Variants in PTPRD observed in about 807,000 individuals in gnomAD.
The protein encoded by PTPRD is receptor-type tyrosine-protein phosphatase delta.
In PTPRD, 34 loss-of-function variants were observed where a neutral mutation model predicts 214.5. That is an observed-to-expected ratio of 0.16 (90% CI 0.12 to 0.21). The LOEUF is 0.21. PTPRD is among the 10% of genes least tolerant of loss of function. The probability of loss-of-function intolerance (pLI) is 1.00; values close to 1 mark genes in which losing one functional copy is unlikely to be tolerated. For missense variants in PTPRD, 2,545 were observed against 2,398.7 expected (o/e 1.06, Z -1.27); for synonymous variants, 1,128 against 845.7 (o/e 1.33, Z -5.79).
chr9:8,722,591 T>A (rs1039471428), intron 12 of PTPRD, among the ~76,000 whole-genome samples: 1 of 152,110 alleles, frequency 6.6e-6, no homozygotes, highest in Non-Finnish European at 1.5e-5. Flanking sequence ...CACTTAGGAA[T>A]CCTATTGCTG....
intron 12 of PTPRD, among the ~76,000 whole-genome samples, chr9:8,696,771 A>C (rs1341546361): frequency 6.6e-6 from 1 of 152,196 alleles, no homozygotes; most frequent in Non-Finnish European, 1.5e-5. Context: ...TTTTTACTTC[A>C]TTCCAAGTTA....
At chr9:10,187,949 T>G (rs964115309) in intron 3 of PTPRD, among the ~76,000 whole-genome samples, 2 of 152,224 alleles carry the variant, frequency 1.3e-5, no homozygotes, top group Admixed American at 6.5e-5. Flanking sequence ...TTCAGTTTTC[T>G]CTTTGTTTAT....
chr9:9,338,948 T>C (rs913074878), intron 9 of PTPRD, among the ~76,000 whole-genome samples: 1 of 152,080 alleles, frequency 6.6e-6, no homozygotes, highest in African/African-American at 2.4e-5. Flanking sequence ...TGGCCAAAAA[T>C]GTTACATGAG....
At position 8,376,043 on chromosome 9, in the gene PTPRD, G is replaced by A. The variant is rs371074206; in HGVS notation, c.4554C>T (p.Ala1518=). 1.2e-6 allele frequency: 2 copies of A among 1,612,930 alleles called. No individual in the cohort carries two copies. Among genetic ancestry groups the A allele is most frequent in the Non-Finnish European group, 1.7e-6 (2 of 1,179,276 alleles). The change falls in exon 39 of 46, where the codon GCC becomes GCT. Residue 1518 remains alanine (A), a synonymous_variant. Coordinates refer to ENST00000381196, the MANE Select transcript of PTPRD (RefSeq NM_002839.4). ...GTTCTGGAACACCATGATCAGGCCA[G>A]GCGGTGAACTGGAATTGTCTCACTT... ...KREVRQFQFT[A]WPDHGVPEHP... is the part of the protein sequence containing the mutation.
chr9:9,541,696 A>C (rs935262614), intron 8 of PTPRD, among the ~76,000 whole-genome samples: 1 of 151,900 alleles, frequency 6.6e-6, no homozygotes, highest in Non-Finnish European at 1.5e-5. Context: ...TACCAAGTGC[A>C]TAAAGTGGTA....
intron 35 of PTPRD, among the ~76,000 whole-genome samples, chr9:8,417,472 C>A (rs2094025273): frequency 6.6e-6 from 1 of 152,158 alleles, no homozygotes; most frequent in Admixed American, 6.5e-5. Flanking sequence ...AAAAACAAGT[C>A]TACACTAACA....
chr9:8,635,864 T>G (rs1238979801), intron 13 of PTPRD, among the ~76,000 whole-genome samples: 1 of 152,138 alleles, frequency 6.6e-6, no homozygotes, highest in East Asian at 1.9e-4. Context: ...TATATCTTAT[T>G]GCCTATATTT....
intron 34 of PTPRD, among the ~76,000 whole-genome samples, chr9:8,449,457 T>A (rs1278802867): frequency 6.6e-6 from 1 of 152,142 alleles, no homozygotes; most frequent in African/African-American, 2.4e-5. Context: ...CCCATAAAAA[T>A]GGTAGATATT....
intron 5 of PTPRD, among the ~76,000 whole-genome samples, chr9:9,935,223 A>T (rs2088716423): frequency 6.6e-6 from 1 of 152,024 alleles, no homozygotes; most frequent in Non-Finnish European, 1.5e-5. Flanking sequence ...AGTTCTGGCC[A>T]GGGCAATCAG....
chr9:9,023,466 C>T (rs951548142), intron 10 of PTPRD, among the ~76,000 whole-genome samples: 5 of 152,064 alleles, frequency 3.3e-5, no homozygotes, highest in Non-Finnish European at 5.9e-5. Flanking sequence ...TTACTTGGAC[C>T]GAAACACAAT....
In PTPRD at chr9:8,317,208, TAAC is replaced by T. The variant is rs1822547693; in HGVS notation, c.*663_*665del. 1 of 231,720 alleles carries T rather than the reference TAAC, an allele frequency of 4.3e-6. No individual in the cohort carries two copies. The highest frequency in any genetic ancestry group is 1.8e-4 in the South Asian group (1 of 5,474). 14.4% of individuals were successfully genotyped at this position (231,720 alleles called of 1,614,324 possible). On this transcript the variant is annotated 3_prime_UTR_variant, in exon 46 of 46. Coordinates refer to ENST00000381196, the MANE Select transcript of PTPRD (RefSeq NM_002839.4). ...TATTTCTACAGCAAGATATTACAGATAACAGTTCTACAGCTTAAAAAAACCTAC... is the reference window on the plus strand; with the variant it reads ...TATTTCTACAGCAAGATATTACAGATAGTTCTACAGCTTAAAAAAACCTAC...
intron 10 of PTPRD, among the ~76,000 whole-genome samples, chr9:9,093,863 G>A (rs896445755): frequency 6.6e-6 from 1 of 151,068 alleles, no homozygotes; most frequent in Non-Finnish European, 1.5e-5. Flanking sequence ...CAATACAGAA[G>A]GCAATGAAAC....
At chr9:9,224,915 C>T (rs1294087848) in intron 9 of PTPRD, among the ~76,000 whole-genome samples, 1 of 151,926 alleles carries the variant, frequency 6.6e-6, no homozygotes, top group Non-Finnish European at 1.5e-5. Flanking sequence ...ACTGAAATTG[C>T]TCAAAGACCT....
chr9:10,093,004 A>G (rs2098447965), intron 3 of PTPRD, among the ~76,000 whole-genome samples: 1 of 151,734 alleles, frequency 6.6e-6, no homozygotes, highest in African/African-American at 2.4e-5. Context: ...AAATTCTAGA[A>G]GAAAACCTAG....
At chr9:10,314,944 G>A (rs1447917560) in intron 3 of PTPRD, among the ~76,000 whole-genome samples, 1 of 151,858 alleles carries the variant, frequency 6.6e-6, no homozygotes, top group African/African-American at 2.4e-5. Context: ...AGGGCTGTGG[G>A]ACAAGATAAT....
chr9:8,381,238 A>G (rs1239273720), intron 37 of PTPRD, among the ~76,000 whole-genome samples: 1 of 152,212 alleles, frequency 6.6e-6, no homozygotes, highest in Admixed American at 6.6e-5. Flanking sequence ...GAGTAAGGAA[A>G]TGTTGGTACC....
intron 5 of PTPRD, among the ~76,000 whole-genome samples, chr9:9,886,566 C>G (rs117620920): frequency 2.2e-3 from 333 of 152,220 alleles, no homozygotes; most frequent in Non-Finnish European, 3.7e-3. Flanking sequence ...CCAATATCTT[C>G]TATCTCAGAA....
At chr9:10,573,503 A>G (rs2068150189) in intron 2 of PTPRD, among the ~76,000 whole-genome samples, 1 of 152,192 alleles carries the variant, frequency 6.6e-6, no homozygotes, top group South Asian at 2.1e-4. Context: ...CAAGATGGCC[A>G]ACTAGACATA....
At chr9:9,983,060 CA>C (rs59328972) in intron 4 of PTPRD, among the ~76,000 whole-genome samples, 3,070 of 146,924 alleles carry the variant, frequency 0.021, 81 homozygotes, top group African/African-American at 0.064. Flanking sequence ...TATGTTATAC[CA>C]AAAAAAAAAA....
Sources: allele counts gnomAD v4.1 joint callset (sites outside exome capture counted in the v4.1 genomes callset), GRCh38; gene constraint gnomAD v4.1.1; transcripts MANE v1.5; gene names NCBI Gene and HGNC (gene_info 2026-07-23, HGNC 2026-07-21).